Variants in PRRC2C observed in about 807,000 individuals in gnomAD.
The protein encoded by PRRC2C is protein PRRC2C.
In PRRC2C, 72 loss-of-function variants were observed where a neutral mutation model predicts 317.2. The observed-to-expected ratio is 0.23, with a 90% CI of 0.19 to 0.28. PRRC2C has a LOEUF of 0.28. Among genes scored for constraint, PRRC2C ranks in the 10% least tolerant of loss-of-function variants. The pLI is 1.00. For synonymous variants in PRRC2C, 1,296 were observed against 1,205.9 expected (o/e 1.07, Z -1.55); for missense variants, 3,074 against 3,459.7 (o/e 0.89, Z 2.80).
At chr1:171,586,063 A>ATGTTTTTTTT (rs1649855149) in intron 30 of PRRC2C, among the ~76,000 whole-genome samples, 1 of 83,032 alleles carries the variant, frequency 1.2e-5, no homozygotes, top group African/African-American at 4.7e-5. Context: ...TCAGGTGTTG[A>ATGTTTTTTTT]TTTTTTTTTT....
intron 15 of PRRC2C, 65 bp downstream of exon 15, chr1:171,537,538 G>C: frequency 2.2e-6 from 3 of 1,370,368 alleles, no homozygotes; most frequent in Non-Finnish European, 3.0e-6. Flanking sequence ...ACTGTGTAGT[G>C]TTTCTGAAGA....
intron 30 of PRRC2C, among the ~76,000 whole-genome samples, chr1:171,584,837 A>G (rs2102862787): frequency 6.6e-6 from 1 of 152,108 alleles, no homozygotes; most frequent in South Asian, 2.1e-4. Flanking sequence ...CAGTGGTGTG[A>G]TCATGGCTCA....
chr1:171,564,992 A>C (rs987311447), intron 20 of PRRC2C, among the ~76,000 whole-genome samples: 2 of 152,210 alleles, frequency 1.3e-5, no homozygotes, highest in African/African-American at 4.8e-5. Context: ...AATGCCAAAA[A>C]TGACATGGAG....
intron 1 of PRRC2C, chr1:171,511,349 A>C (rs1476970020): frequency 6.6e-6 from 1 of 152,226 alleles, no homozygotes; most frequent in Non-Finnish European, 1.5e-5. Context: ...TTAGCTCTAA[A>C]GATGAGGATT....
chr1:171,506,840 A>G (rs1007389061), intron 1 of PRRC2C, among the ~76,000 whole-genome samples: 1 of 151,664 alleles, frequency 6.6e-6, no homozygotes, highest in African/African-American at 2.4e-5. Flanking sequence ...CTATGTTTTG[A>G]TGTTTTCATG....
At chr1:171,500,423 C>G (rs1381173797) in intron 1 of PRRC2C, among the ~76,000 whole-genome samples, 1 of 151,978 alleles carries the variant, frequency 6.6e-6, no homozygotes, top group Non-Finnish European at 1.5e-5. Flanking sequence ...TTTTTAGAGA[C>G]AATCTTGCTG....
chr1:171,538,259 G>A (rs2102471919), intron 15 of PRRC2C, among the ~76,000 whole-genome samples: 1 of 152,288 alleles, frequency 6.6e-6, no homozygotes, highest in African/African-American at 2.4e-5. Flanking sequence ...ATAGACGTGA[G>A]CCATCGTGTG....
intron 28 of PRRC2C, 27 bp from the exon 29 acceptor site, chr1:171,583,929 A>G (rs1342454537): frequency 6.4e-7 from 1 of 1,567,300 alleles, no homozygotes; most frequent in Non-Finnish European, 8.8e-7. Context: ...AACTTCTAAC[A>G]ATATTTTCTC....
At chr1:171,520,445 A>C (rs1316739685) in intron 6 of PRRC2C, among the ~76,000 whole-genome samples, 1 of 152,236 alleles carries the variant, frequency 6.6e-6, no homozygotes, top group African/African-American at 2.4e-5. Context: ...CACTTTCATC[A>C]GTGATTATAT....
chr1:171,513,407 A>G (rs1299066306), intron 3 of PRRC2C: 5 of 607,168 alleles, frequency 8.2e-6, no homozygotes, highest in South Asian at 1.5e-5. Context: ...TGCTTATGTC[A>G]TAGCCTTTAT....
At chr1:171,563,018 G>A (rs1267274665) in intron 20 of PRRC2C, among the ~76,000 whole-genome samples, 2 of 152,172 alleles carry the variant, frequency 1.3e-5, no homozygotes, top group African/African-American at 4.8e-5. Context: ...TGTGTCAGAT[G>A]GCTGCTGGTA....
In PRRC2C at chr1:171,532,706, C is replaced by A; in HGVS notation, c.1618C>A (p.Gln540Lys). The change falls in exon 12 of 35, where the codon CAG becomes AAG. Residue 540 changes from glutamine to lysine, a missense_variant. By Grantham distance (53) the Gln-to-Lys change is moderately conservative. This residue lies in a region of PRRC2C where 1,320 missense variants were observed against 1,395.7 expected (regional missense o/e 0.95). Coordinates refer to ENST00000647382, the MANE Select transcript of PRRC2C (RefSeq NM_001387844.1). ...GGAGAGGGAAAAAGACAGAGAGAGA[C>A]AGCAGGAAAAGGAGAAAGAGCTGGA... ...EKEREKDRER[Q>K]QEKEKELEKE... 5 of 1,549,652 alleles carry A rather than the reference C, an allele frequency of 3.2e-6. No homozygotes were observed. Among genetic ancestry groups the A allele is most frequent in the Non-Finnish European group, 3.5e-6 (4 of 1,146,744 alleles).
At chr1:171,489,918 G>A (rs923495886) in intron 1 of PRRC2C, among the ~76,000 whole-genome samples, 7 of 151,986 alleles carry the variant, frequency 4.6e-5, no homozygotes, top group South Asian at 4.2e-4. Context: ...GAATTTAAAC[G>A]AATTTTTTTT....
intron 3 of PRRC2C, among the ~76,000 whole-genome samples, chr1:171,514,274 G>C (rs1211235820): frequency 6.6e-6 from 1 of 151,950 alleles, no homozygotes; most frequent in Non-Finnish European, 1.5e-5. Context: ...GTGTGTGTGT[G>C]TGTGTGTGTG....
At chr1:171,566,480 A>G in intron 21 of PRRC2C, 59 bp downstream of exon 21, 1 of 1,493,568 alleles carries the variant, frequency 6.7e-7, no homozygotes, top group African/African-American at 1.4e-5. Flanking sequence ...TGAAGAGCAA[A>G]TAATACTTTT....
At chr1:171,582,516 A>G (rs1210549052) in intron 28 of PRRC2C, among the ~76,000 whole-genome samples, 1 of 152,186 alleles carries the variant, frequency 6.6e-6, no homozygotes, top group Non-Finnish European at 1.5e-5. Context: ...TAGGTGGCAT[A>G]GCCTGCAGCT....
intron 17 of PRRC2C, among the ~76,000 whole-genome samples, chr1:171,549,355 A>G (rs985732342): frequency 6.6e-6 from 1 of 152,128 alleles, no homozygotes; most frequent in African/African-American, 2.4e-5. Context: ...TCATTTTTTG[A>G]AAAGGAGAAA....
At chr1:171,492,057 AAGG>A (rs1238467603) in intron 1 of PRRC2C, among the ~76,000 whole-genome samples, 1 of 152,188 alleles carries the variant, frequency 6.6e-6, no homozygotes, top group African/African-American at 2.4e-5. Flanking sequence ...ATTGAAAACA[AAGG>A]AGGCTTTAGA....
intron 26 of PRRC2C, among the ~76,000 whole-genome samples, chr1:171,578,850 C>T (rs1435339550): frequency 6.6e-6 from 1 of 151,770 alleles, no homozygotes; most frequent in African/African-American, 2.4e-5. Flanking sequence ...GGTGACAAAG[C>T]GAGACTGTTT....
Sources: allele counts gnomAD v4.1 joint callset (sites outside exome capture counted in the v4.1 genomes callset), GRCh38; gene constraint gnomAD v4.1.1; regional missense constraint gnomAD v4.1.1; transcripts MANE v1.5; gene names NCBI Gene and HGNC (gene_info 2026-07-23, HGNC 2026-07-21).